The following SLIT1 variants were observed in gnomAD, a reference collection of about 807,000 sequenced individuals.
SLIT1 encodes the protein slit homolog 1 protein.
SLIT1 carries 66 observed loss-of-function variants against 186.1 expected under a neutral mutation model. The observed-to-expected ratio is 0.35, with a 90% CI of 0.29 to 0.44. The LOEUF (loss-of-function observed/expected upper bound fraction) is 0.44. Ranked by LOEUF, SLIT1 falls within the 20% of genes least tolerant of loss-of-function variation. SLIT1 has a pLI of 1.00. For missense variants in SLIT1, 1,638 were observed against 2,037.4 expected (o/e 0.80, Z 3.77); for synonymous variants, 761 against 833.8 (o/e 0.91, Z 1.50).
At chr10:97,098,364 C>G (rs1291478534) in intron 4 of SLIT1, among the ~76,000 whole-genome samples, 1 of 152,150 alleles carries the variant, frequency 6.6e-6, no homozygotes, top group Non-Finnish European at 1.5e-5. Context: ...TGGGATGAAG[C>G]CAAGCTGCTA....
chr10:97,176,450 C>A (rs1850257380), intron 1 of SLIT1, among the ~76,000 whole-genome samples: 1 of 152,120 alleles, frequency 6.6e-6, no homozygotes, highest in Admixed American at 6.6e-5. Flanking sequence ...CCCCAAGAGA[C>A]TCCAGTCCAC....
At chr10:97,034,164 C>T (rs1198280627) in intron 23 of SLIT1, among the ~76,000 whole-genome samples, 4 of 152,270 alleles carry the variant, frequency 2.6e-5, no homozygotes, top group South Asian at 2.1e-4. Context: ...TGCGCCTGGC[C>T]GAGTGTCCTT....
At chr10:97,173,033 C>T (rs920578135) in intron 1 of SLIT1, among the ~76,000 whole-genome samples, 2 of 152,208 alleles carry the variant, frequency 1.3e-5, no homozygotes, top group Non-Finnish European at 2.9e-5. Context: ...GCTCCACACG[C>T]AGAGGATGCT....
At chr10:97,011,949 C>T (rs570742352) in intron 30 of SLIT1, among the ~76,000 whole-genome samples, 3 of 152,240 alleles carry the variant, frequency 2.0e-5, no homozygotes, top group African/African-American at 7.2e-5. Context: ...CTTGTCTGAT[C>T]GCCTTCTAAA....
intron 2 of SLIT1, 25 bp downstream of exon 2, chr10:97,164,794 G>T (rs747255409): frequency 9.5e-6 from 15 of 1,582,864 alleles, no homozygotes; most frequent in Non-Finnish European, 1.3e-5. Context: ...CAGGGGTGGG[G>T]TGGGAGGGAG....
At chr10:97,044,187 G>A (rs1848715826) in intron 18 of SLIT1, among the ~76,000 whole-genome samples, 1 of 152,214 alleles carries the variant, frequency 6.6e-6, no homozygotes, top group Admixed American at 6.5e-5. Flanking sequence ...TTGAAACCAG[G>A]GGTTTGAGAC....
chr10:97,158,673 A>AAG (rs1554854199), intron 3 of SLIT1, among the ~76,000 whole-genome samples: 25 of 150,858 alleles, frequency 1.7e-4, no homozygotes, highest in African/African-American at 5.9e-4. Flanking sequence ...AAAAAAAAAA[A>AAG]AAAGAAAGAA....
intron 1 of SLIT1, among the ~76,000 whole-genome samples, chr10:97,169,493 G>A (rs1388112843): frequency 1.3e-5 from 2 of 152,214 alleles, no homozygotes; most frequent in African/African-American, 4.8e-5. Context: ...TGCTGCATCT[G>A]ATTCCTCCAA....
chr10:97,024,712 G>A (rs1459690343), intron 25 of SLIT1, among the ~76,000 whole-genome samples: 2 of 152,276 alleles, frequency 1.3e-5, no homozygotes, highest in East Asian at 1.9e-4. Flanking sequence ...TATGTTATTC[G>A]AAAGATAAAT....
chr10:97,015,572 G>T (rs189707185), intron 28 of SLIT1, among the ~76,000 whole-genome samples: 4 of 152,290 alleles, frequency 2.6e-5, no homozygotes, highest in Non-Finnish European at 1.5e-5. Context: ...CAAACGCTGT[G>T]TCCTCTCTCA....
chr10:97,149,186 C>A (rs1342506946), intron 4 of SLIT1, among the ~76,000 whole-genome samples: 1 of 152,350 alleles, frequency 6.6e-6, no homozygotes, highest in South Asian at 2.1e-4. Flanking sequence ...GACATTCATC[C>A]ATGCTGGGCG....
chr10:97,157,851 A>C lies in SLIT1; in HGVS notation c.380T>G (p.Leu127Arg). 1 of 1,613,934 alleles carries C rather than the reference A, an allele frequency of 6.2e-7. No homozygotes were observed. Among genetic ancestry groups the C allele is most frequent in the Non-Finnish European group, 8.5e-7 (1 of 1,179,764 alleles). Residue 127 changes from leucine (L) to arginine (R), a missense_variant, in exon 4 of 37, where the codon CTG (leucine) becomes CGG (arginine). Transcript: ENST00000266058. ...CAAAGCCTGGTTGTTCTGGAACAGC[A>C]GTTCCGGTAACATGTGCAGCTGGTT... ...NRNQLHMLPELLFQNNQALSR... is the reference protein window; with the variant it reads ...NRNQLHMLPERLFQNNQALSR...
chr10:97,091,791 A>G (rs1043067059), intron 4 of SLIT1, among the ~76,000 whole-genome samples: 1 of 151,732 alleles, frequency 6.6e-6, no homozygotes, highest in Admixed American at 6.6e-5. Context: ...CAGGGCTTGG[A>G]CCCCCCTCTG....
At chr10:97,086,917 T>G (rs1222718475) in intron 4 of SLIT1, among the ~76,000 whole-genome samples, 1 of 151,952 alleles carries the variant, frequency 6.6e-6, no homozygotes, top group African/African-American at 2.4e-5. Flanking sequence ...TAGGTGATAA[T>G]GATGTGTCAA....
rs540948679 is a variant in SLIT1 at position 97,086,910 on chromosome 10, G to T, written c.414-20824C>A. On this transcript the variant is annotated intron_variant, in intron 4 of 36. Coordinates refer to ENST00000266058, the MANE Select transcript of SLIT1 (RefSeq NM_003061.3). ...CCCTACTGTAAACTACACACTCTAG[G>T]TGATAATGATGTGTCAACATAGATG... is the stretch of plus-strand genomic sequence containing the variant. Among the ~76,000 whole-genome samples, 3 of 152,222 alleles carry T rather than the reference G, an allele frequency of 2.0e-5. No homozygotes were observed. In the East Asian group the frequency reaches 5.8e-4, roughly 29 times the overall value.
At chr10:97,159,720 A>C (rs1246955025) in intron 3 of SLIT1, among the ~76,000 whole-genome samples, 2 of 152,184 alleles carry the variant, frequency 1.3e-5, no homozygotes, top group Non-Finnish European at 2.9e-5. Context: ...GCATGGGGCA[A>C]ATGCATTAGG....
chr10:97,106,564 A>T (rs1200804438), intron 4 of SLIT1, among the ~76,000 whole-genome samples: 1 of 152,162 alleles, frequency 6.6e-6, no homozygotes, highest in East Asian at 1.9e-4. Flanking sequence ...TATTTCATTT[A>T]GTCCCTGCAA....
chr10:97,166,554 G>GAGAGAGA (rs1491239491), intron 1 of SLIT1, among the ~76,000 whole-genome samples: 2 of 35,326 alleles, frequency 5.7e-5, no homozygotes, highest in Non-Finnish European at 1.0e-4. Flanking sequence ...AAGGAAGGAA[G>GAGAGAGA]GAAAGAGAGA....
intron 4 of SLIT1, among the ~76,000 whole-genome samples, chr10:97,150,708 C>T (rs1445546241): frequency 6.6e-6 from 1 of 150,976 alleles, no homozygotes; most frequent in Non-Finnish European, 1.5e-5. Flanking sequence ...TTCTGGATGA[C>T]GAGGGGATCA....
Sources: allele counts gnomAD v4.1 joint callset (sites outside exome capture counted in the v4.1 genomes callset), GRCh38; gene constraint gnomAD v4.1.1; transcripts MANE v1.5; gene names NCBI Gene and HGNC (gene_info 2026-07-23, HGNC 2026-07-21).